Variants in PALM2AKAP2 observed in about 807,000 individuals in gnomAD.
The protein encoded by PALM2AKAP2 is PALM2-AKAP2 fusion protein.
A neutral mutation model predicts 71.5 loss-of-function variants in PALM2AKAP2; 37 were observed. The ratio of observed to expected loss-of-function variants is 0.52; its 90% CI spans 0.40 to 0.68. The LOEUF is 0.68. Among genes scored for constraint, PALM2AKAP2 ranks in the 30% least tolerant of loss-of-function variants. The pLI, the probability that PALM2AKAP2 is intolerant of heterozygous loss-of-function variation, is 0.00. For missense variants in PALM2AKAP2, 1,224 were observed against 1,191.8 expected, an observed-to-expected ratio of 1.03 and a Z score of -0.40; for synonymous variants, 468 against 478.8, an observed-to-expected ratio of 0.98 and a Z score of 0.29.
rs773245748 is a variant in PALM2AKAP2 at position 109,793,777 on chromosome 9, T to TC, written c.45+13245dup. Among the ~76,000 whole-genome samples the TC allele has an allele frequency of 2.3e-4, 35 of 152,254 alleles. No homozygotes were observed. In the South Asian group the frequency reaches 2.5e-3, roughly 11 times the overall value. On this transcript the variant is annotated intron_variant, in intron 1 of 9. Coordinates refer to the PALM2AKAP2 transcript ENST00000302798. ...TATATTTTTACAAATTTGAAAAAAT[T>TC]CAAAAAAGGATCTTTTATGACTCAT...
intron 5 of PALM2AKAP2, 62 bp downstream of exon 5, chr9:109,925,144 C>T: frequency 1.2e-6 from 2 of 1,607,566 alleles, no homozygotes; most frequent in Non-Finnish European, 1.7e-6. Flanking sequence ...TAGGGGGTTT[C>T]ATTAACAGGG....
chr9:109,766,868 C>G (rs1412816992), intron 1 of PALM2AKAP2, among the ~76,000 whole-genome samples: 4 of 152,168 alleles, frequency 2.6e-5, no homozygotes, highest in Non-Finnish European at 5.9e-5. Context: ...CAGGGCTCCC[C>G]CATGCCAATA....
chr9:109,979,930 G>A (rs114098601), intron 6 of PALM2AKAP2, among the ~76,000 whole-genome samples: 6 of 152,242 alleles, frequency 3.9e-5, no homozygotes, highest in South Asian at 2.1e-4. Context: ...TCCCCCAGAC[G>A]CAGACAGGCC....
intron 1 of PALM2AKAP2, among the ~76,000 whole-genome samples, chr9:109,837,894 C>G (rs1042616735): frequency 2.0e-5 from 3 of 152,122 alleles, no homozygotes; most frequent in African/African-American, 7.2e-5. Flanking sequence ...CCTTAGAGAC[C>G]TACGAAGAGA....
chr9:109,819,215 C>T (rs751741853), intron 1 of PALM2AKAP2, among the ~76,000 whole-genome samples: 5 of 152,168 alleles, frequency 3.3e-5, no homozygotes, highest in African/African-American at 4.8e-5. Flanking sequence ...TTCTATCCAA[C>T]ATAGTTTAAT....
chr9:109,902,229 T>C (rs1344458929), intron 3 of PALM2AKAP2, among the ~76,000 whole-genome samples: 1 of 152,204 alleles, frequency 6.6e-6, no homozygotes, highest in African/African-American at 2.4e-5. Context: ...CATTTGGCTG[T>C]TGTAAATCTT....
intron 1 of PALM2AKAP2, among the ~76,000 whole-genome samples, chr9:110,135,164 A>AAAATATATATATATATATATATATATAT: frequency 1.9e-5 from 1 of 51,716 alleles, no homozygotes; most frequent in African/African-American, 7.3e-5. Context: ...AAAAAAAAAA[A>AAAATATATATATATATATATATATATAT]ATATATAAAT....
rs191901437 is a variant in PALM2AKAP2, at chr9:109,799,498, G to A, written c.45+18965G>A. Among the ~76,000 whole-genome samples, 471 of 152,180 alleles carry A rather than the reference G, an allele frequency of 3.1e-3. 1 individual carries two copies. Among genetic ancestry groups the A allele is most frequent in the Middle Eastern group, 6.8e-3 (2 of 294 alleles). The stretch of plus-strand genomic sequence containing the variant: ...CATAGAGGGGTCACCTTTAGTTTTG[G>A]GGAGTTTATTTTTGAGATGGGGTCT... On this transcript the variant is annotated intron_variant, in intron 1 of 9. Transcript: ENST00000302798.
At chr9:109,911,412 C>T (rs1830566189) in intron 3 of PALM2AKAP2, among the ~76,000 whole-genome samples, 1 of 152,052 alleles carries the variant, frequency 6.6e-6, no homozygotes, top group Non-Finnish European at 1.5e-5. Flanking sequence ...GGAGTAAATA[C>T]ACATGAAAAG....
At chr9:109,758,557 T>C (rs1353291939) in intron 1 of PALM2AKAP2, among the ~76,000 whole-genome samples, 1 of 151,634 alleles carries the variant, frequency 6.6e-6, no homozygotes, top group Non-Finnish European at 1.5e-5. Context: ...TGTGTGTCAA[T>C]GTAAAGACAA....
At chr9:110,162,605 A>G (rs1475984058) in intron 3 of PALM2AKAP2, among the ~76,000 whole-genome samples, 4 of 152,308 alleles carry the variant, frequency 2.6e-5, no homozygotes, top group African/African-American at 9.6e-5. Flanking sequence ...AACCATCCTA[A>G]TCTACAGATT....
chr9:110,088,705 T>TTG (rs1834630697), intron 1 of PALM2AKAP2, among the ~76,000 whole-genome samples: 1 of 30,990 alleles, frequency 3.2e-5, no homozygotes, highest in African/African-American at 1.7e-4. Flanking sequence ...ATTTACGTGT[T>TTG]TTTTTTTTTT....
At chr9:109,937,410 C>A (rs1252680623) in intron 6 of PALM2AKAP2, among the ~76,000 whole-genome samples, 1 of 152,110 alleles carries the variant, frequency 6.6e-6, no homozygotes, top group Non-Finnish European at 1.5e-5. Flanking sequence ...CCAAGAAAAC[C>A]AAATGCGGAG....
chr9:110,102,962 C>T (rs925108443), intron 1 of PALM2AKAP2, among the ~76,000 whole-genome samples: 6 of 152,164 alleles, frequency 3.9e-5, no homozygotes, highest in Non-Finnish European at 7.3e-5. Flanking sequence ...ATTGTCCTCT[C>T]TTGTCCTCAC....
chr9:109,682,755 C>T (rs904840900), intron 1 of PALM2AKAP2, among the ~76,000 whole-genome samples: 2 of 152,156 alleles, frequency 1.3e-5, no homozygotes, highest in Non-Finnish European at 2.9e-5. Context: ...GGAGAGATAA[C>T]GTCGTTGGCG....
intron 3 of PALM2AKAP2, among the ~76,000 whole-genome samples, chr9:109,885,508 C>T (rs1347591910): frequency 6.6e-6 from 1 of 152,064 alleles, no homozygotes; most frequent in Non-Finnish European, 1.5e-5. Flanking sequence ...AGAATGATTG[C>T]AGTAAATGGA....
At chr9:109,912,669 G>A (rs757795123) in intron 3 of PALM2AKAP2, among the ~76,000 whole-genome samples, 3 of 152,166 alleles carry the variant, frequency 2.0e-5, no homozygotes, top group Admixed American at 6.5e-5. Flanking sequence ...TAAGATAGAT[G>A]ATAGATAGGA....
At chr9:109,645,009 A>G (rs373197891) in intron 1 of PALM2AKAP2, among the ~76,000 whole-genome samples, 4 of 152,162 alleles carry the variant, frequency 2.6e-5, no homozygotes, top group African/African-American at 9.7e-5. Flanking sequence ...CTGTTACCCA[A>G]TTCCAAAGTT....
At chr9:109,803,460 G>T (rs921065348) in intron 1 of PALM2AKAP2, among the ~76,000 whole-genome samples, 1 of 152,150 alleles carries the variant, frequency 6.6e-6, no homozygotes, top group Non-Finnish European at 1.5e-5. Flanking sequence ...TGTGTCTTAG[G>T]CAAACTAGGA....
Sources: allele counts gnomAD v4.1 joint callset (sites outside exome capture counted in the v4.1 genomes callset), GRCh38; gene constraint gnomAD v4.1.1; transcripts MANE v1.5; gene names NCBI Gene and HGNC (gene_info 2026-07-23, HGNC 2026-07-21).